TMEM238L: variants seen among roughly 807,000 people sequenced by gnomAD.
TMEM238L encodes transmembrane protein 238-like.
intron 1 of TMEM238L, among the ~76,000 whole-genome samples, chr17:10,801,011 C>T (rs1331194646): frequency 2.6e-5 from 4 of 152,030 alleles, no homozygotes; most frequent in Admixed American, 2.0e-4. Context: ...TATGTTAAGC[C>T]CCTGCCTCTG....
chr17:10,797,819 C>T (rs1280328154), intron 1 of TMEM238L: 1 of 152,258 alleles, frequency 6.6e-6, no homozygotes, highest in Non-Finnish European at 1.5e-5. Flanking sequence ...GCCACCTGAG[C>T]TTGCTGAATG....
At chr17:10,797,831 C>G (rs12941643) in intron 1 of TMEM238L, 30,858 of 152,048 alleles carry the variant, frequency 0.2, 3,805 homozygotes, top group Non-Finnish European at 0.28. Flanking sequence ...TGCTGAATGG[C>G]CTTGCTGTCT....
At chr17:10,803,654 C>T (rs1904813866) in exon 1 of TMEM238L, 2 of 398,056 alleles carry the variant, frequency 5.0e-6, no homozygotes, top group African/African-American at 4.1e-5. Context: ...TGTTGCTGCC[C>T]AAGAGCCCCA....
chr17:10,801,211 C>T (rs542376856), intron 1 of TMEM238L, among the ~76,000 whole-genome samples: 9 of 152,192 alleles, frequency 5.9e-5, no homozygotes, highest in South Asian at 4.1e-4. Flanking sequence ...CCACTGCGCC[C>T]GGCTAATTTT....
At chr17:10,799,760 G>A (rs1904675838) in intron 1 of TMEM238L, among the ~76,000 whole-genome samples, 1 of 152,164 alleles carries the variant, frequency 6.6e-6, no homozygotes, top group South Asian at 2.1e-4. Context: ...AGTCTTACGT[G>A]CCAGTTTAAT....
intron 1 of TMEM238L, among the ~76,000 whole-genome samples, chr17:10,800,541 G>A (rs973412864): frequency 1.3e-5 from 2 of 152,198 alleles, no homozygotes; most frequent in Admixed American, 6.5e-5. Flanking sequence ...AGAACTGATC[G>A]TAATGCGTCA....
chr17:10,801,385 AG>A (rs1246088704), intron 1 of TMEM238L, among the ~76,000 whole-genome samples: 1 of 152,140 alleles, frequency 6.6e-6, no homozygotes, highest in African/African-American at 2.4e-5. Context: ...AATCCTTCAG[AG>A]GGCCCTCGAG....
chr17:10,803,715 A>G (rs1045967619), exon 1 of TMEM238L: 2 of 399,350 alleles, frequency 5.0e-6, no homozygotes, highest in Admixed American at 8.8e-5. Flanking sequence ...TCCTCTTCCC[A>G]TGGCCAAATT....
intron 1 of TMEM238L, among the ~76,000 whole-genome samples, chr17:10,800,886 T>A (rs1202184212): frequency 1.3e-5 from 2 of 152,166 alleles, no homozygotes. Flanking sequence ...CACTGGGGAC[T>A]CTGTGTTGTT....
At chr17:10,799,054 C>G (rs1044163902) in intron 1 of TMEM238L, among the ~76,000 whole-genome samples, 22 of 152,194 alleles carry the variant, frequency 1.4e-4, no homozygotes, top group African/African-American at 4.8e-4. Flanking sequence ...GGTTTAGCAG[C>G]CACCCTGCCC....
chr17:10,798,273 C>T (rs1443479606), intron 1 of TMEM238L, among the ~76,000 whole-genome samples: 2 of 152,090 alleles, frequency 1.3e-5, no homozygotes, highest in African/African-American at 2.4e-5. Context: ...TTATCTCCTG[C>T]AATGCATTTT....
chr17:10,801,070 A>G (rs933281014), intron 1 of TMEM238L, among the ~76,000 whole-genome samples: 1 of 137,502 alleles, frequency 7.3e-6, no homozygotes, highest in Non-Finnish European at 1.6e-5. Flanking sequence ...TTTTTTTTTG[A>G]GACGGAGTCT....
rs534706112 is a variant in TMEM238L at position 10,800,495 on chromosome 17, A to G, written c.*118+3111T>C. On this transcript the variant is annotated intron_variant, in intron 1 of 1. Transcript: ENST00000581851. ...ATTCTGGAGCAGCATTCAGTCTCAT[A>G]TCTACTGAAAAATCCTAATGTTGTA... 2.0e-5 allele frequency among the ~76,000 whole-genome samples: 3 copies of G among 152,332 alleles called. No homozygotes were observed. The East Asian group carries it at 5.8e-4, about 29-fold the overall frequency.
At chr17:10,802,235 TA>T (rs890609875) in intron 1 of TMEM238L, among the ~76,000 whole-genome samples, 18 of 152,314 alleles carry the variant, frequency 1.2e-4, no homozygotes, top group Non-Finnish European at 1.9e-4. Context: ...GACACCAAGG[TA>T]CTTCACATTT....
chr17:10,796,108 T>C (rs1333722800), intron 1 of TMEM238L, among the ~76,000 whole-genome samples, 160 bp from the exon 2 acceptor site: 4 of 152,360 alleles, frequency 2.6e-5, no homozygotes, highest in African/African-American at 9.6e-5. Context: ...GGGCTAGCCC[T>C]GAAACCACAT....
chr17:10,799,546 A>G (rs1024226144), intron 1 of TMEM238L, among the ~76,000 whole-genome samples: 2 of 152,184 alleles, frequency 1.3e-5, no homozygotes, highest in African/African-American at 4.8e-5. Context: ...GAATGTGGGC[A>G]TCAGCTCTGA....
chr17:10,802,119 G>A (rs546044012), intron 1 of TMEM238L, among the ~76,000 whole-genome samples: 5 of 152,266 alleles, frequency 3.3e-5, no homozygotes, highest in East Asian at 3.9e-4. Context: ...GTCTTGCACA[G>A]TGCCTGACAC....
chr17:10,803,348 C>G (rs1904804529), intron 1 of TMEM238L, among the ~76,000 whole-genome samples: 1 of 152,142 alleles, frequency 6.6e-6, no homozygotes, highest in Non-Finnish European at 1.5e-5. Flanking sequence ...CAGGATCATT[C>G]GTGGTATATC....
intron 1 of TMEM238L, chr17:10,802,632 C>T (rs1248235387): frequency 6.6e-6 from 1 of 152,670 alleles, no homozygotes; most frequent in African/African-American, 2.4e-5. Flanking sequence ...AACTCAGCAA[C>T]GACCTTTGCT....
Sources: allele counts gnomAD v4.1 joint callset (sites outside exome capture counted in the v4.1 genomes callset), GRCh38; gene constraint gnomAD v4.1.1; transcripts MANE v1.5; gene names NCBI Gene and HGNC (gene_info 2026-07-23, HGNC 2026-07-21).